The following ROBO1 variants were observed in gnomAD, a reference collection of about 807,000 sequenced individuals.
The protein encoded by ROBO1 is roundabout homolog 1.
Under a neutral mutation model 195.9 loss-of-function variants are expected in ROBO1, and 149 were observed. The observed-to-expected ratio is 0.76, with a 90% CI of 0.67 to 0.87. ROBO1 has a LOEUF of 0.87. Among genes scored for constraint, ROBO1 ranks in the 40% least tolerant of loss-of-function variants. The pLI is 0.00. For missense variants in ROBO1, 1,933 were observed against 2,068.3 expected (o/e 0.93, Z 1.27); for synonymous variants, 816 against 733.2 (o/e 1.11, Z -1.82).
At chr3:79,175,694 T>C (rs1368511030) in intron 2 of ROBO1, among the ~76,000 whole-genome samples, 1 of 152,202 alleles carries the variant, frequency 6.6e-6, no homozygotes, top group Non-Finnish European at 1.5e-5. Flanking sequence ...ACTGCATATA[T>C]TCTTCTAAGA....
chr3:79,152,181 A>C (rs897203640), intron 2 of ROBO1, among the ~76,000 whole-genome samples: 4 of 151,912 alleles, frequency 2.6e-5, no homozygotes, highest in Admixed American at 1.3e-4. Context: ...GAAATATGTT[A>C]CATGTGCAAC....
intron 3 of ROBO1, among the ~76,000 whole-genome samples, chr3:78,969,544 T>G (rs554183139): frequency 6.6e-6 from 1 of 152,292 alleles, no homozygotes; most frequent in South Asian, 2.1e-4. Context: ...CTTAGTAGAA[T>G]CAAATAAATC....
At chr3:79,629,391 C>T (rs1945271422) in intron 1 of ROBO1, among the ~76,000 whole-genome samples, 1 of 151,892 alleles carries the variant, frequency 6.6e-6, no homozygotes, top group Non-Finnish European at 1.5e-5. Flanking sequence ...ATAACTTGCT[C>T]CTAAATGATT....
chr3:78,875,922 A>G (rs987815257), intron 4 of ROBO1, among the ~76,000 whole-genome samples: 1 of 152,110 alleles, frequency 6.6e-6, no homozygotes, highest in African/African-American at 2.4e-5. Flanking sequence ...GTTACCTGAA[A>G]TCAATCATCA....
chr3:78,821,193 T>TCTTAG (rs1464344274), intron 4 of ROBO1, among the ~76,000 whole-genome samples: 2 of 142,586 alleles, frequency 1.4e-5, no homozygotes, highest in Non-Finnish European at 1.5e-5. Flanking sequence ...TGAGACAGAG[T>TCTTAG]CTTACTCTGT....
intron 3 of ROBO1, among the ~76,000 whole-genome samples, chr3:78,992,052 C>T (rs2077250799): frequency 6.6e-6 from 1 of 152,080 alleles, no homozygotes; most frequent in South Asian, 2.1e-4. Context: ...AAAACTGTGT[C>T]ACAGGCCTAC....
At chr3:79,590,063 T>G (rs530658426) in intron 1 of ROBO1, 102 bp from the exon 2 acceptor site, 14 of 532,572 alleles carry the variant, frequency 2.6e-5, no homozygotes, top group Middle Eastern at 2.8e-4. Flanking sequence ...ATGTCATTTT[T>G]TGAAATAATG....
At chr3:78,983,456 T>C (rs2077040897) in intron 3 of ROBO1, among the ~76,000 whole-genome samples, 1 of 152,238 alleles carries the variant, frequency 6.6e-6, no homozygotes, top group Non-Finnish European at 1.5e-5. Flanking sequence ...AAGAATCTGC[T>C]TCTCAATTCT....
Position 79,432,415 on chromosome 3 carries a change from CAT to C in ROBO1, c.88+157407_88+157408del, listed in dbSNP as rs557862890. 2.0e-5 allele frequency among the ~76,000 whole-genome samples: 3 copies of C among 152,216 alleles called. No individual in the cohort carries two copies. In the South Asian group the frequency reaches 6.2e-4, roughly 32 times the overall value. ...ATAAACTCGAGACCATTACATCACT[CAT>C]AGGAATTTCAAACCCAAACAAAGAT... On this transcript the variant is annotated intron_variant, in intron 2 of 30. Transcript: ENST00000464233.
At chr3:79,217,102 C>T (rs550112034) in intron 2 of ROBO1, among the ~76,000 whole-genome samples, 1 of 152,206 alleles carries the variant, frequency 6.6e-6, no homozygotes, top group East Asian at 1.9e-4. Flanking sequence ...GTCTGATTAA[C>T]TGTCAGTTAC....
intron 2 of ROBO1, among the ~76,000 whole-genome samples, chr3:79,445,263 T>C (rs558832004): frequency 8.6e-5 from 13 of 151,958 alleles, no homozygotes; most frequent in Non-Finnish European, 1.8e-4. Flanking sequence ...TATTACTGAA[T>C]ATATACATAT....
chr3:79,288,879 G>T (rs764983676), intron 2 of ROBO1, among the ~76,000 whole-genome samples: 3 of 151,648 alleles, frequency 2.0e-5, no homozygotes, highest in Non-Finnish European at 4.4e-5. Flanking sequence ...TTTCTCATTT[G>T]TATAGTAGAA....
At chr3:79,416,144 G>C (rs2037991180) in intron 2 of ROBO1, among the ~76,000 whole-genome samples, 1 of 151,864 alleles carries the variant, frequency 6.6e-6, no homozygotes, top group Non-Finnish European at 1.5e-5. Context: ...CTCATATAAG[G>C]AATATTTGAA....
At position 78,870,122 on chromosome 3, in the gene ROBO1, G is replaced by A. The variant is rs150205111; in HGVS notation, c.499+68479C>T. Among the ~76,000 whole-genome samples the A allele has an allele frequency of 2.6e-3, 390 of 152,174 alleles. 1 individual carries two copies. The highest frequency in any genetic ancestry group is 3.7e-3 in the Non-Finnish European group (251 of 67,994). ...AGCAAAGAACAATCTTATTTTTAAG[G>A]AGCATTTTTGTCTTTCATTTGTATT... On this transcript the variant is annotated intron_variant, in intron 4 of 30. Transcript: ENST00000464233.
chr3:79,255,384 A>T (rs1346301434), intron 2 of ROBO1, among the ~76,000 whole-genome samples: 1 of 151,936 alleles, frequency 6.6e-6, no homozygotes, highest in African/African-American at 2.4e-5. Flanking sequence ...AAAAACAAAA[A>T]ACATAAGTTT....
intron 2 of ROBO1, among the ~76,000 whole-genome samples, chr3:79,170,920 C>T (rs1175502827): frequency 2.0e-5 from 3 of 151,910 alleles, no homozygotes; most frequent in Non-Finnish European, 2.9e-5. Flanking sequence ...TTTATATATA[C>T]CTTTCCTTCA....
intron 1 of ROBO1, among the ~76,000 whole-genome samples, chr3:79,667,671 G>A (rs1449527637): frequency 1.3e-5 from 2 of 151,720 alleles, no homozygotes; most frequent in Non-Finnish European, 2.9e-5. Context: ...TATAATTAAA[G>A]GATGTGGATA....
intron 2 of ROBO1, among the ~76,000 whole-genome samples, chr3:79,374,478 T>G (rs2036313504): frequency 6.6e-6 from 1 of 152,170 alleles, no homozygotes. Context: ...ATGTGATTAA[T>G]TCTTAAAAAG....
At chr3:78,950,265 T>C (rs1015069951) in intron 3 of ROBO1, among the ~76,000 whole-genome samples, 6 of 151,972 alleles carry the variant, frequency 3.9e-5, no homozygotes, top group East Asian at 1.9e-4. Flanking sequence ...CCAACCTAAA[T>C]GTCCAACAAC....
Sources: allele counts gnomAD v4.1 joint callset (sites outside exome capture counted in the v4.1 genomes callset), GRCh38; gene constraint gnomAD v4.1.1; transcripts MANE v1.5; gene names NCBI Gene and HGNC (gene_info 2026-07-23, HGNC 2026-07-21).